GOLM1: variants seen among roughly 807,000 people sequenced by gnomAD.
The protein encoded by GOLM1 is epididymis luminal protein 46.
GOLM1 carries 31 observed loss-of-function variants against 50.5 expected under a neutral mutation model. The observed-to-expected ratio is 0.61, with a 90% confidence interval of 0.46 to 0.83. The LOEUF (loss-of-function observed/expected upper bound fraction) is 0.83. Ranked by LOEUF, GOLM1 falls within the 40% of genes least tolerant of loss-of-function variation. GOLM1 has a pLI of 0.00. For synonymous variants in GOLM1, 178 were observed against 192.8 expected (o/e 0.92, Z 0.64); for missense variants, 491 against 501.3 (o/e 0.98, Z 0.20).
chr9:86,067,765 G>C (rs1313718503), intron 3 of GOLM1, among the ~76,000 whole-genome samples: 1 of 152,200 alleles, frequency 6.6e-6, no homozygotes, highest in Non-Finnish European at 1.5e-5. Context: ...CACTTTGGGA[G>C]GCCGAGGCGG....
chr9:86,065,569 G>T (rs1281484475), intron 3 of GOLM1, among the ~76,000 whole-genome samples: 1 of 152,134 alleles, frequency 6.6e-6, no homozygotes, highest in Non-Finnish European at 1.5e-5. Context: ...CTGGCCACAG[G>T]AGAATGCAGT....
chr9:86,084,493 C>T (rs535549057), intron 1 of GOLM1, among the ~76,000 whole-genome samples: 14 of 152,140 alleles, frequency 9.2e-5, no homozygotes, highest in Middle Eastern at 3.4e-3. Context: ...GAAGTCAACG[C>T]GTCAGACATT....
intron 1 of GOLM1, among the ~76,000 whole-genome samples, chr9:86,092,165 A>G (rs1835205253): frequency 1.3e-5 from 2 of 152,230 alleles, no homozygotes; most frequent in South Asian, 4.1e-4. Context: ...GGTTTTTAAG[A>G]GGATTCAGTG....
rs1413749103 is a variant in GOLM1 at position 86,041,403 on chromosome 9, T to C, written c.468-535A>G. 2.6e-5 allele frequency among the ~76,000 whole-genome samples: 4 copies of C among 152,260 alleles called. No individual in the cohort carries two copies. The East Asian group carries it at 7.7e-4, about 29-fold the overall frequency. ...CTCCAGGGAAGGGAGGAGTGGAGATTGAGTTCAACCCTGTGGCCGATGGTG... is the reference window on the plus strand; with the variant it reads ...CTCCAGGGAAGGGAGGAGTGGAGATCGAGTTCAACCCTGTGGCCGATGGTG... On this transcript the variant is annotated intron_variant, in intron 5 of 9. Transcript: ENST00000388712.
At chr9:86,082,346 AT>A (rs1834810937) in intron 1 of GOLM1, among the ~76,000 whole-genome samples, 1 of 149,074 alleles carries the variant, frequency 6.7e-6, no homozygotes, top group African/African-American at 2.5e-5. Flanking sequence ...TAAAATATCA[AT>A]ACCTGGGCTC....
rs754960208 is a variant in GOLM1 at position 86,077,581 on chromosome 9, A to C, written c.140T>G (p.Met47Arg). ...SRSVDLQTRIMELEGRVRRAA... is the reference protein window; with the variant it reads ...SRSVDLQTRIRELEGRVRRAA... ...CCTGCGGACCCTGCCTTCCAGCTCC[A>C]TGATCCGTGTCTACAAGGAGACCGT... The change falls in exon 3 of 10, where the codon ATG (methionine) becomes AGG (arginine). Residue 47 changes from methionine (M) to arginine (R), a missense_variant. Met to Arg is a moderately conservative substitution (Grantham distance 91). Transcript: ENST00000388712. The C allele has an allele frequency of 6.2e-6, 10 of 1,612,822 alleles. No individual in the cohort carries two copies. The Admixed American group carries it at 1.7e-4, about 27-fold the overall frequency.
At chr9:86,054,096 A>C (rs908047834) in intron 3 of GOLM1, among the ~76,000 whole-genome samples, 1 of 152,146 alleles carries the variant, frequency 6.6e-6, no homozygotes, top group African/African-American at 2.4e-5. Flanking sequence ...CCATGCTGGG[A>C]AAGTCAACAG....
chr9:86,089,610 G>A (rs1167739772), intron 1 of GOLM1, among the ~76,000 whole-genome samples: 1 of 152,020 alleles, frequency 6.6e-6, no homozygotes, highest in Non-Finnish European at 1.5e-5. Context: ...GCTCCATCAG[G>A]TCATTTATGT....
intron 1 of GOLM1, among the ~76,000 whole-genome samples, chr9:86,094,940 G>A (rs527798196): frequency 4.1e-4 from 62 of 151,962 alleles, no homozygotes; most frequent in African/African-American, 1.2e-3. Flanking sequence ...AAAATTAGCC[G>A]GGCGTGGTGG....
At chr9:86,059,067 AG>A (rs1307357082) in intron 3 of GOLM1, among the ~76,000 whole-genome samples, 6 of 151,974 alleles carry the variant, frequency 3.9e-5, no homozygotes, top group African/African-American at 1.5e-4. Context: ...AAAGCTGGAG[AG>A]AAACTAGAAC....
rs1351012979 is a variant in GOLM1 at position 86,027,369 on chromosome 9, G to T, written c.*448C>A. On this transcript the variant is annotated 3_prime_UTR_variant, in exon 10 of 10. Coordinates refer to ENST00000388712, the MANE Select transcript of GOLM1 (RefSeq NM_016548.4). Reference sequence around the variant, plus strand: ...GAGCATTAGCCAGACTTTTCAGTGAGAACAGGTAACAGGCTGGCACCAGCA... The same window carrying T: ...GAGCATTAGCCAGACTTTTCAGTGATAACAGGTAACAGGCTGGCACCAGCA... 5 of 990,056 alleles carry T rather than the reference G, an allele frequency of 5.1e-6. No individual in the cohort carries two copies. Among genetic ancestry groups the T allele is most frequent in the Non-Finnish European group, 6.0e-6 (5 of 833,268 alleles). The allele number at this position is 990,056 out of a possible 1,614,324, so 61.3% of individuals were successfully genotyped here. A position where few individuals can be genotyped will look rare whatever the true frequency, so the allele number is the denominator to read the frequency against.
chr9:86,036,953 A>G (rs1833165745), intron 6 of GOLM1: 1 of 162,970 alleles, frequency 6.1e-6, no homozygotes, highest in Admixed American at 6.4e-5. Context: ...GCAAGCCTCC[A>G]TACACTTAAA....
intron 2 of GOLM1, 59 bp downstream of exon 2, chr9:86,079,133 T>A (rs1403981722): frequency 1.6e-5 from 23 of 1,418,006 alleles, no homozygotes; most frequent in Non-Finnish European, 2.2e-5. Flanking sequence ...GACCCCATCA[T>A]AACAAAATAA....
rs1457776812 is a variant in GOLM1, at chr9:86,026,459, C to T, written c.*1358G>A. 6.4e-5 allele frequency: 63 copies of T among 977,754 alleles called. No homozygotes were observed. The highest frequency in any genetic ancestry group is 7.7e-5 in the Non-Finnish European group (63 of 823,256). The allele number at this position is 977,754 out of a possible 1,614,324, so 60.6% of individuals were successfully genotyped here. A position where few individuals can be genotyped will look rare whatever the true frequency, so the allele number is the denominator to read the frequency against. ...CTGTGTGCCTGTAGTCCCAGCTACT[C>T]GGGAGTCTGTGTGAGGCCAGGGGTG... On this transcript the variant is annotated 3_prime_UTR_variant, in exon 10 of 10. Coordinates refer to ENST00000388712, the MANE Select transcript of GOLM1 (RefSeq NM_016548.4).
At chr9:86,067,778 G>A (rs972820986) in intron 3 of GOLM1, among the ~76,000 whole-genome samples, 7 of 152,124 alleles carry the variant, frequency 4.6e-5, no homozygotes, top group Admixed American at 2.6e-4. Context: ...CGAGGCGGGC[G>A]GATCACCTGA....
chr9:86,037,088 T>C (rs952399097), intron 6 of GOLM1, among the ~76,000 whole-genome samples: 1 of 152,216 alleles, frequency 6.6e-6, no homozygotes, highest in Non-Finnish European at 1.5e-5. Flanking sequence ...AAATAACCAG[T>C]GAGTCCAACA....
Position 86,035,866 on chromosome 9 carries a change from C to CAAAAAAAAAAAAAAAAA in GOLM1, c.758-242_758-241insTTTTTTTTTTTTTTTTT, listed in dbSNP as rs1276980708. 7.3e-4 allele frequency among the ~76,000 whole-genome samples: 34 copies of CAAAAAAAAAAAAAAAAA among 46,724 alleles called. 2 individuals carry two copies. The highest frequency in any genetic ancestry group is 1.1e-3 in the African/African-American group (12 of 10,830). 30.7% of individuals were successfully genotyped at this position (46,724 alleles called of 152,430 possible). ...CGCGACAAAGGGAAAAGTAGCTTAC[C>CAAAAAAAAAAAAAAAAA]AAAAAAAAAAACAAAACAAAAAAAA... On this transcript the variant is annotated intron_variant, in intron 7 of 9. Transcript: ENST00000388712.
Position 86,027,854 on chromosome 9 carries a change from A to G in GOLM1, c.1169T>C (p.Leu390Ser). ...ATTCCGCTTTTCACGCTGATCAAGTAAATTTATGGTGTCTCTTTTCTGATC... is the reference window on the plus strand; with the variant it reads ...ATTCCGCTTTTCACGCTGATCAAGTGAATTTATGGTGTCTCTTTTCTGATC... ...VEDQKRDTIN[L>S]LDQREKRNHT... Residue 390 changes from leucine (L) to serine (S), a missense_variant, in exon 10 of 10, where the codon TTA becomes TCA. Transcript: ENST00000388712. 5 of 1,611,528 alleles carry G rather than the reference A, an allele frequency of 3.1e-6. No homozygotes were observed. The highest frequency in any genetic ancestry group is 4.2e-6 in the Non-Finnish European group (5 of 1,177,734).
At chr9:86,088,328 CTTT>C (rs1184342158) in intron 1 of GOLM1, among the ~76,000 whole-genome samples, 4 of 149,610 alleles carry the variant, frequency 2.7e-5, no homozygotes, top group Admixed American at 6.7e-5. Flanking sequence ...AGTCTTCTCT[CTTT>C]TCTTCTTTAT....
Sources: allele counts gnomAD v4.1 joint callset (sites outside exome capture counted in the v4.1 genomes callset), GRCh38; gene constraint gnomAD v4.1.1; transcripts MANE v1.5; gene names NCBI Gene and HGNC (gene_info 2026-07-23, HGNC 2026-07-21).